Variants in PBRM1 observed in about 807,000 individuals in gnomAD.
The protein encoded by PBRM1 is protein polybromo-1.
A neutral mutation model predicts 194.5 loss-of-function variants in PBRM1; 27 were observed. The ratio of observed to expected loss-of-function variants is 0.14; its 90% confidence interval spans 0.10 to 0.19. The LOEUF is 0.19. Among genes scored for constraint, PBRM1 ranks in the 10% least tolerant of loss-of-function variants. The probability of loss-of-function intolerance (pLI) is 1.00; values close to 1 mark genes in which losing one functional copy is unlikely to be tolerated. For synonymous variants in PBRM1, 655 were observed against 693.2 expected (o/e 0.94, Z 0.87); for missense variants, 1,466 against 2,077.2 (o/e 0.71, Z 5.72).
At chr3:52,640,481 G>C (rs918565807) in intron 10 of PBRM1, among the ~76,000 whole-genome samples, 1 of 152,050 alleles carries the variant, frequency 6.6e-6, no homozygotes, top group African/African-American at 2.4e-5. Context: ...ATGTTGCCCA[G>C]GCTGGTCTTG....
chr3:52,565,200 A>C (rs758790560), intron 22 of PBRM1, among the ~76,000 whole-genome samples: 65 of 150,154 alleles, frequency 4.3e-4, no homozygotes, highest in Middle Eastern at 7.0e-3. Flanking sequence ...CTCCGTCTCA[A>C]AAAAAAAAAA....
chr3:52,546,231 A>T (rs910444533), downstream of PBRM1: 4 of 232,752 alleles, frequency 1.7e-5, no homozygotes, highest in Non-Finnish European at 3.4e-5. Context: ...ACTAAATTTC[A>T]TGTTCTTTGG....
intron 5 of PBRM1, among the ~76,000 whole-genome samples, chr3:52,656,945 A>G (rs141359610): frequency 1.3e-5 from 2 of 152,250 alleles, no homozygotes; most frequent in African/African-American, 2.4e-5. Flanking sequence ...AAGGTATTAT[A>G]TAGAAATAAC....
At chr3:52,623,690 T>A (rs1272886275) in intron 13 of PBRM1, among the ~76,000 whole-genome samples, 6 of 152,190 alleles carry the variant, frequency 3.9e-5, no homozygotes, top group Admixed American at 3.9e-4. Context: ...ACTAACTGGA[T>A]CCTCACACCA....
At chr3:52,621,398 C>T (rs1206214388) in intron 13 of PBRM1, among the ~76,000 whole-genome samples, 1 of 152,110 alleles carries the variant, frequency 6.6e-6, no homozygotes, top group Non-Finnish European at 1.5e-5. Context: ...CTCCTGACCT[C>T]ATGATCTGCC....
rs2154056905 is a variant in PBRM1, at chr3:52,678,496, T to C, written c.236+4A>G. 1 of 1,593,358 alleles carries C rather than the reference T, an allele frequency of 6.3e-7. No individual in the cohort carries two copies. The highest frequency in any genetic ancestry group is 8.6e-7 in the Non-Finnish European group (1 of 1,161,058). On this transcript the variant is annotated splice_donor_region_variant and intron_variant, in intron 2 of 29. Coordinates refer to ENST00000296302, the Ensembl canonical transcript of PBRM1. Reference sequence around the variant, plus strand: ...GCAACTGTACTGATGTGCTTCGAACTCACCTTCGCTTTGGTGCCCTAATGA... The same window carrying C: ...GCAACTGTACTGATGTGCTTCGAACCCACCTTCGCTTTGGTGCCCTAATGA...
In PBRM1 at chr3:52,609,690, C is replaced by T. The variant is rs2153422479; in HGVS notation, c.2190G>A (p.Met730Ile). Residue 730 changes from methionine to isoleucine, a missense_variant, in exon 16 of 30, where the codon ATG (methionine) becomes ATA (isoleucine). By Grantham distance (10) the Met-to-Ile change is conservative. Around this residue, in one of 5 missense-constraint regions of PBRM1, gnomAD observed 687 missense variants for 946.2 expected, o/e 0.73. Transcript: ENST00000296302. This position sits in a 1 kb window ranked among gnomAD's most constrained non-coding sequence, Gnocchi z 4.1. ...TGTATGTACAGGCATTATTAAACAT[C>T]ATGACAAAGTCCTCAACCATAGAGT... The T allele has an allele frequency of 1.2e-6, 2 of 1,613,580 alleles. No individual in the cohort carries two copies. The highest frequency in any genetic ancestry group is 1.7e-6 in the Non-Finnish European group (2 of 1,179,800).
At chr3:52,608,851 TAA>T (rs942565120) in intron 16 of PBRM1, among the ~76,000 whole-genome samples, 7 of 143,636 alleles carry the variant, frequency 4.9e-5, no homozygotes, top group Admixed American at 7.0e-5. Context: ...AACCTGAGAT[TAA>T]AAAAAAAAAA....
chr3:52,577,408 G>A (rs969062921), intron 21 of PBRM1, among the ~76,000 whole-genome samples: 1 of 125,400 alleles, frequency 8.0e-6, no homozygotes, highest in Non-Finnish European at 1.6e-5. Flanking sequence ...TCCAGCCTAG[G>A]TGACAGAACC....
intron 17 of PBRM1, among the ~76,000 whole-genome samples, chr3:52,599,655 C>CAAAAAAAAA (rs71615864): frequency 2.4e-5 from 3 of 122,982 alleles, no homozygotes; most frequent in Non-Finnish European, 3.6e-5. Flanking sequence ...ACTAAAAATA[C>CAAAAAAAAA]AAAAAAAAAA....
At chr3:52,604,461 G>A (rs937447576) in intron 16 of PBRM1, among the ~76,000 whole-genome samples, 2 of 152,206 alleles carry the variant, frequency 1.3e-5, no homozygotes, top group Non-Finnish European at 2.9e-5. Flanking sequence ...AATGCTTTGG[G>A]AGGCCGAGGC....
chr3:52,616,332 G>T (rs10510760), intron 14 of PBRM1, among the ~76,000 whole-genome samples: 1 of 152,036 alleles, frequency 6.6e-6, no homozygotes, highest in Non-Finnish European at 1.5e-5. Context: ...TGGATAAAAA[G>T]ATATCAAATA....
At chr3:52,561,960 T>C (rs759282365) in exon 25 of PBRM1, 49 of 1,613,248 alleles carry the variant, frequency 3.0e-5, no homozygotes, top group Admixed American at 1.0e-4. Flanking sequence ...TGGCAGACTT[T>C]GGGGTAGACT....
intron 2 of PBRM1, among the ~76,000 whole-genome samples, chr3:52,671,590 G>C (rs905646332): frequency 6.6e-6 from 1 of 152,210 alleles, no homozygotes. Context: ...CCTATAAACT[G>C]TGATAACTCA....
At chr3:52,574,330 C>T (rs1460543937) in intron 22 of PBRM1, among the ~76,000 whole-genome samples, 1 of 152,120 alleles carries the variant, frequency 6.6e-6, no homozygotes, top group Non-Finnish European at 1.5e-5. Context: ...GAGGACAAGC[C>T]CTCATGACCT....
intron 7 of PBRM1, 65 bp downstream of exon 8, chr3:52,648,279 T>G: frequency 1.1e-6 from 1 of 902,542 alleles, no homozygotes; most frequent in East Asian, 2.4e-5. Context: ...TTTATAAAAA[T>G]TACTGACCTT....
chr3:52,594,455 C>T (rs2093383843), intron 17 of PBRM1, among the ~76,000 whole-genome samples: 1 of 152,072 alleles, frequency 6.6e-6, no homozygotes, highest in Non-Finnish European at 1.5e-5. Context: ...TTATTTTGAG[C>T]TTATGGGTGT....
rs1176860532 is a variant in PBRM1 at position 52,662,411 on chromosome 3, T to G, written c.385-135A>C. 1.2e-5 allele frequency: 8 copies of G among 667,766 alleles called. No homozygotes were observed. The African/African-American group carries it at 1.5e-4, about 12-fold the overall frequency. The allele number at this position is 667,766 out of a possible 1,614,324, so 41.4% of individuals were successfully genotyped here. Reference sequence around the variant, plus strand: ...AACATCCTCATGATTAAAACATATATGGGTCCAAATCCCGCTTCCAAAAAA... The same window carrying G: ...AACATCCTCATGATTAAAACATATAGGGGTCCAAATCCCGCTTCCAAAAAA... On this transcript the variant is annotated intron_variant, in intron 3 of 29. Coordinates refer to ENST00000296302, the Ensembl canonical transcript of PBRM1.
At chr3:52,659,520 C>T (rs1297604614) in intron 4 of PBRM1, among the ~76,000 whole-genome samples, 1 of 152,078 alleles carries the variant, frequency 6.6e-6, no homozygotes, top group Non-Finnish European at 1.5e-5. Context: ...CTCCAGGGCT[C>T]AAGCAATCCT....
Sources: allele counts gnomAD v4.1 joint callset (sites outside exome capture counted in the v4.1 genomes callset), GRCh38; gene constraint gnomAD v4.1.1; regional missense constraint gnomAD v4.1.1; non-coding constraint Gnocchi (gnomAD v3.1); transcripts MANE v1.5; gene names NCBI Gene and HGNC (gene_info 2026-07-23, HGNC 2026-07-21).